CNOT6: variants seen among roughly 807,000 people sequenced by gnomAD.
CNOT6 encodes carbon catabolite repression 4 protein.
In CNOT6, 12 loss-of-function variants were observed where a neutral mutation model predicts 61.2. The ratio of observed to expected loss-of-function variants is 0.20; its 90% CI spans 0.13 to 0.32. The LOEUF (loss-of-function observed/expected upper bound fraction) is 0.32, where lower values mean the gene tolerates loss of function less well. Ranked by LOEUF, CNOT6 falls within the 10% of genes least tolerant of loss-of-function variation. The probability of loss-of-function intolerance (pLI) is 1.00; values close to 1 mark genes in which losing one functional copy is unlikely to be tolerated. For synonymous variants in CNOT6, 225 were observed against 240.6 expected, an observed-to-expected ratio of 0.94 and a Z score of 0.60; for missense variants, 405 against 663.9, an observed-to-expected ratio of 0.61 and a Z score of 4.28.
intron 1 of CNOT6, among the ~76,000 whole-genome samples, chr5:180,500,097 C>CT (rs908414989): frequency 1.0e-4 from 12 of 117,398 alleles, no homozygotes; most frequent in East Asian, 2.1e-4. Context: ...CTTTTCTTTT[C>CT]TTTTTTTTTC....
intron 2 of CNOT6, among the ~76,000 whole-genome samples, chr5:180,548,583 C>T (rs920467101): frequency 6.6e-6 from 1 of 152,192 alleles, no homozygotes; most frequent in Non-Finnish European, 1.5e-5. Flanking sequence ...TGGGCTGCCT[C>T]CTGTAAGTGC....
intron 2 of CNOT6, among the ~76,000 whole-genome samples, chr5:180,549,008 T>C (rs1561654250): frequency 1.3e-5 from 2 of 152,216 alleles, no homozygotes; most frequent in Non-Finnish European, 2.9e-5. Flanking sequence ...TCTTAGTCAC[T>C]GAATCTTATG....
At chr5:180,538,262 A>G (rs1310396696) in intron 2 of CNOT6, among the ~76,000 whole-genome samples, 2 of 151,818 alleles carry the variant, frequency 1.3e-5, no homozygotes, top group East Asian at 2.0e-4. Context: ...GATGGTCTCA[A>G]TCTCCTGACC....
chr5:180,523,990 GTTTC>G (rs1751638937), intron 1 of CNOT6, among the ~76,000 whole-genome samples: 1 of 152,160 alleles, frequency 6.6e-6, no homozygotes. Flanking sequence ...AATGTTTTGT[GTTTC>G]TTTAAGTGAA....
Position 180,568,000 on chromosome 5 carries a change from C to T in CNOT6, c.1024C>T (p.Pro342Ser). ...ACTTCGGAAGGAATCGATTGAAATG[C>T]CGTGTGAGTGCCCTTCACTTCCTGT... ...LELRKESIEMPSGKPHLGTEK... is the reference protein window; with the variant it reads ...LELRKESIEMSSGKPHLGTEK... The change falls in exon 9 of 12, where the codon CCG becomes TCG. Residue 342 changes from proline to serine, a missense_variant. By Grantham distance (74) the Pro-to-Ser change is moderately conservative. Coordinates refer to ENST00000261951, the MANE Select transcript of CNOT6 (RefSeq NM_001370472.1). 1 of 1,603,962 alleles carries T rather than the reference C, an allele frequency of 6.2e-7. No homozygotes were observed. The highest frequency in any genetic ancestry group is 8.5e-7 in the Non-Finnish European group (1 of 1,172,828).
intron 1 of CNOT6, among the ~76,000 whole-genome samples, chr5:180,510,179 T>G (rs13182715): frequency 2.6e-5 from 3 of 117,190 alleles, no homozygotes; most frequent in African/African-American, 6.6e-5. Flanking sequence ...TAAGAGATGG[T>G]GTTTTTCTGT....
chr5:180,530,721 G>T lies in CNOT6; in HGVS notation c.112+1333G>T, dbSNP rs1314207320. ...TAGGCAGAGGACCCTGCGGCCTTCC[G>T]CAGTGTTTGTGTCCCTGGGTAGTTG... On this transcript the variant is annotated intron_variant, in intron 2 of 11. Transcript: ENST00000261951. Among the ~76,000 whole-genome samples the T allele has an allele frequency of 4.4e-5, 6 of 137,368 alleles. No homozygotes were observed. The East Asian group carries it at 1.1e-3, about 24-fold the overall frequency. 90.1% of individuals were successfully genotyped at this position (137,368 alleles called of 152,430 possible). A position where few individuals can be genotyped will look rare whatever the true frequency, so the allele number is the denominator to read the frequency against.
chr5:180,508,403 C>T (rs1340931752), intron 1 of CNOT6, among the ~76,000 whole-genome samples: 2 of 152,066 alleles, frequency 1.3e-5, no homozygotes, highest in Non-Finnish European at 2.9e-5. Flanking sequence ...CTTCTGCTAC[C>T]TGGGCTCAAG....
At chr5:180,525,114 A>C (rs72812935) in intron 1 of CNOT6, among the ~76,000 whole-genome samples, 2,879 of 152,280 alleles carry the variant, frequency 0.019, 38 homozygotes, top group Non-Finnish European at 0.027. Context: ...CAGTTATTAT[A>C]TTTCTATATT....
intron 3 of CNOT6, among the ~76,000 whole-genome samples, chr5:180,551,340 GAGC>G (rs1759593473): frequency 1.3e-5 from 2 of 152,148 alleles, no homozygotes; most frequent in African/African-American, 4.8e-5. Context: ...CTGGGTGACA[GAGC>G]AAGACCCTGT....
chr5:180,532,279 A>G (rs1329553128), intron 2 of CNOT6, among the ~76,000 whole-genome samples: 1 of 152,126 alleles, frequency 6.6e-6, no homozygotes, highest in African/African-American at 2.4e-5. Flanking sequence ...TTGCATTACA[A>G]TTCCTTTGCT....
rs544612700 is a variant in CNOT6, at chr5:180,501,809, C to T, written c.-3+7046C>T. ...CAGGAGAGAGTAACGCTACAGATGC[C>T]GAGAGAGGTCATAGTGCCAAGAAAG... On this transcript the variant is annotated intron_variant, in intron 1 of 11. Coordinates refer to ENST00000261951, the MANE Select transcript of CNOT6 (RefSeq NM_001370472.1). Among the ~76,000 whole-genome samples the T allele has an allele frequency of 8.5e-4, 130 of 152,112 alleles. 1 individual carries two copies. Among genetic ancestry groups the T allele is most frequent in the African/African-American group, 3.0e-3 (125 of 41,486 alleles).
At chr5:180,572,675 C>G (rs980540133) in intron 11 of CNOT6, among the ~76,000 whole-genome samples, 16 of 151,952 alleles carry the variant, frequency 1.1e-4, no homozygotes, top group Admixed American at 3.9e-4. Flanking sequence ...TCAGCCTCCC[C>G]GCTAACTTGG....
At chr5:180,515,532 A>G (rs1198834112) in intron 1 of CNOT6, among the ~76,000 whole-genome samples, 2 of 152,154 alleles carry the variant, frequency 1.3e-5, no homozygotes, top group Non-Finnish European at 2.9e-5. Flanking sequence ...AAGTTTTAAT[A>G]GGAGAGTGGC....
In CNOT6 at chr5:180,514,417, ATCT is replaced by A. The variant is rs1457785781; in HGVS notation, c.-2-14852_-2-14850del. Among the ~76,000 whole-genome samples the A allele has an allele frequency of 5.9e-5, 9 of 152,340 alleles. No individual in the cohort carries two copies. The East Asian group carries it at 1.4e-3, about 23-fold the overall frequency. On this transcript the variant is annotated intron_variant, in intron 1 of 11. Coordinates refer to ENST00000261951, the MANE Select transcript of CNOT6 (RefSeq NM_001370472.1). ...AGCCTAGGCGAAAGAGCGAAACTCCATCTTCTTCAAGTCTGCTTCACAAAGAGC... is the reference window on the plus strand; with the variant it reads ...AGCCTAGGCGAAAGAGCGAAACTCCATCTTCAAGTCTGCTTCACAAAGAGC...
intron 1 of CNOT6, among the ~76,000 whole-genome samples, chr5:180,508,652 G>A (rs555203668): frequency 8.6e-5 from 13 of 151,504 alleles, no homozygotes; most frequent in African/African-American, 2.7e-4. Flanking sequence ...TTCAAGGCAA[G>A]GTCTCACGGT....
chr5:180,533,311 C>CAT (rs1305701783), intron 2 of CNOT6, among the ~76,000 whole-genome samples: 11,133 of 64,760 alleles, frequency 0.17, 603 homozygotes, highest in East Asian at 0.2. Context: ...TGGATGAAAA[C>CAT]CTATATATAT....
intron 8 of CNOT6, among the ~76,000 whole-genome samples, chr5:180,567,568 A>C (rs1760527152): frequency 6.6e-6 from 1 of 152,254 alleles, no homozygotes; most frequent in Non-Finnish European, 1.5e-5. Context: ...ATTGTTTAAA[A>C]ATTACAAGGT....
chr5:180,515,321 G>A (rs1236359921), intron 1 of CNOT6, among the ~76,000 whole-genome samples: 1 of 152,036 alleles, frequency 6.6e-6, no homozygotes, highest in Non-Finnish European at 1.5e-5. Flanking sequence ...GAGCCCAGGA[G>A]CCTATGATTG....
Sources: gnomAD v4.1 joint callset for allele counts (sites outside exome capture counted in the v4.1 genomes callset) on GRCh38, gnomAD v4.1.1 for gene constraint, MANE v1.5 for transcripts, NCBI Gene and HGNC (gene_info 2026-07-23, HGNC 2026-07-21) for gene names.